ZFAND3: variants seen among roughly 807,000 people sequenced by gnomAD.
ZFAND3 encodes the protein zinc finger AN1-type containing 3, also known as AN1-type zinc finger protein 3.
Under a neutral mutation model 29.6 loss-of-function variants are expected in ZFAND3, and 10 were observed. The ratio of observed to expected loss-of-function variants is 0.34; its 90% CI spans 0.21 to 0.57. The LOEUF (loss-of-function observed/expected upper bound fraction) is 0.57, where lower values mean the gene tolerates loss of function less well. Among genes scored for constraint, ZFAND3 ranks in the 20% least tolerant of loss-of-function variants. ZFAND3 has a pLI of 0.86. For missense variants in ZFAND3, 230 were observed against 304.5 expected, an observed-to-expected ratio of 0.76 and a Z score of 1.82; for synonymous variants, 128 against 112.6, an observed-to-expected ratio of 1.14 and a Z score of -0.87.
At chr6:38,024,024 C>T (rs11753054) in intron 2 of ZFAND3, among the ~76,000 whole-genome samples, 13,397 of 151,368 alleles carry the variant, frequency 0.089, 770 homozygotes, top group East Asian at 0.29. Context: ...AGTGAGATAC[C>T]GTCTCTTTAA....
chr6:38,045,449 T>C (rs1329506126), intron 2 of ZFAND3, among the ~76,000 whole-genome samples: 2 of 152,260 alleles, frequency 1.3e-5, no homozygotes, highest in African/African-American at 4.8e-5. Flanking sequence ...TTCTTTGCCT[T>C]GAAAGATAAA....
At chr6:37,889,355 C>G (rs1209887340) in intron 1 of ZFAND3, among the ~76,000 whole-genome samples, 1 of 152,200 alleles carries the variant, frequency 6.6e-6, no homozygotes, top group Non-Finnish European at 1.5e-5. Context: ...CACATAGCCA[C>G]ATCATCAATT....
chr6:37,937,633 G>A (rs1202590605), intron 2 of ZFAND3, among the ~76,000 whole-genome samples: 7 of 111,754 alleles, frequency 6.3e-5, no homozygotes, highest in Admixed American at 5.6e-4. Context: ...CCAGCCTAGC[G>A]ACAGAGCGAG....
chr6:38,111,396 G>T (rs1220703387), intron 4 of ZFAND3, among the ~76,000 whole-genome samples: 1 of 152,070 alleles, frequency 6.6e-6, no homozygotes, highest in Non-Finnish European at 1.5e-5. Context: ...ATTGTATTAG[G>T]GATTATAAGT....
chr6:38,093,760 A>G (rs1253027548), intron 4 of ZFAND3, among the ~76,000 whole-genome samples: 1 of 152,218 alleles, frequency 6.6e-6, no homozygotes, highest in Admixed American at 6.5e-5. Context: ...CTTGATAACA[A>G]GGAAATAAAG....
intron 1 of ZFAND3, among the ~76,000 whole-genome samples, chr6:37,901,569 C>T (rs1391704287): frequency 6.6e-6 from 1 of 152,000 alleles, no homozygotes; most frequent in East Asian, 1.9e-4. Flanking sequence ...AGTGAGCCGA[C>T]ATTGTGCCAC....
At chr6:37,885,311 G>C (rs896724788) in intron 1 of ZFAND3, among the ~76,000 whole-genome samples, 1 of 152,122 alleles carries the variant, frequency 6.6e-6, no homozygotes, top group Non-Finnish European at 1.5e-5. Context: ...GTGTGACCTT[G>C]GTTTCCTCAT....
chr6:38,017,636 A>G (rs569438177), intron 2 of ZFAND3, among the ~76,000 whole-genome samples: 5 of 152,244 alleles, frequency 3.3e-5, no homozygotes, highest in African/African-American at 1.2e-4. Flanking sequence ...GATACTTGAA[A>G]AGTTGGGATA....
At chr6:38,116,879 TG>T (rs1395036986) in intron 5 of ZFAND3, 140 bp downstream of exon 5, 15 of 1,134,354 alleles carry the variant, frequency 1.3e-5, no homozygotes, top group Non-Finnish European at 1.7e-5. Flanking sequence ...GATATAGGTT[TG>T]GGGCTTGAGA....
chr6:37,819,749 T>G lies in ZFAND3; in HGVS notation c.-197T>G, dbSNP rs1056088730. On this transcript the variant is annotated 5_prime_UTR_variant, in exon 1 of 6. Coordinates refer to ENST00000287218, the MANE Select transcript of ZFAND3 (RefSeq NM_021943.3). ...CCCCTCCCCGTCTCCGCAGGCCGAG[T>G]GGTGCGGCCCGCCTCCAGCTGACCG... The G allele has an allele frequency of 3.2e-5, 7 of 216,940 alleles. No homozygotes were observed. Among genetic ancestry groups the G allele is most frequent in the Non-Finnish European group, 6.0e-5 (7 of 115,814 alleles). 13.4% of individuals were successfully genotyped at this position (216,940 alleles called of 1,614,324 possible). A position where few individuals can be genotyped will look rare whatever the true frequency, so the allele number is the denominator to read the frequency against.
intron 1 of ZFAND3, among the ~76,000 whole-genome samples, chr6:37,885,685 C>A (rs747719498): frequency 1.1e-4 from 16 of 152,088 alleles, no homozygotes; most frequent in Non-Finnish European, 2.2e-4. Context: ...GAAGACAGTT[C>A]TGAAGAATTT....
intron 2 of ZFAND3, among the ~76,000 whole-genome samples, chr6:38,035,122 G>A (rs192186843): frequency 4.6e-5 from 7 of 151,254 alleles, no homozygotes; most frequent in Admixed American, 2.6e-4. Flanking sequence ...TTGATGCATG[G>A]GATTATGGAA....
intron 4 of ZFAND3, among the ~76,000 whole-genome samples, chr6:38,100,864 G>A (rs1374845444): frequency 3.3e-5 from 5 of 151,996 alleles, no homozygotes; most frequent in Non-Finnish European, 5.9e-5. Flanking sequence ...CCCTCTTTGT[G>A]TCTGTCTGTA....
intron 1 of ZFAND3, among the ~76,000 whole-genome samples, chr6:37,820,648 C>T (rs1763649378): frequency 6.6e-6 from 1 of 152,152 alleles, no homozygotes; most frequent in South Asian, 2.1e-4. Context: ...GTAAAATTTC[C>T]TTGTCAAAAA....
At chr6:37,922,786 T>C (rs1035049841) in intron 1 of ZFAND3, among the ~76,000 whole-genome samples, 1 of 152,140 alleles carries the variant, frequency 6.6e-6, no homozygotes, top group Non-Finnish European at 1.5e-5. Flanking sequence ...GATAAAAAAG[T>C]GTACACCTGT....
chr6:38,093,398 G>A (rs1205781522), intron 4 of ZFAND3, among the ~76,000 whole-genome samples: 1 of 152,148 alleles, frequency 6.6e-6, no homozygotes, highest in Non-Finnish European at 1.5e-5. Context: ...ACTATTTTCA[G>A]TTTCTGATGA....
At chr6:37,899,841 A>G (rs950925841) in intron 1 of ZFAND3, among the ~76,000 whole-genome samples, 1 of 152,210 alleles carries the variant, frequency 6.6e-6, no homozygotes, top group African/African-American at 2.4e-5. Flanking sequence ...AGGGCAACCT[A>G]TGTAACCATG....
chr6:37,882,042 G>A (rs1213914108), intron 1 of ZFAND3, among the ~76,000 whole-genome samples: 1 of 152,122 alleles, frequency 6.6e-6, no homozygotes, highest in East Asian at 1.9e-4. Flanking sequence ...TGTGTCCAAT[G>A]TTGAATTTTC....
chr6:38,024,384 A>G (rs1763406164), intron 2 of ZFAND3, among the ~76,000 whole-genome samples: 1 of 151,438 alleles, frequency 6.6e-6, no homozygotes. Flanking sequence ...AGGCAGGAGA[A>G]TGGCATGAAC....
Sources: allele counts gnomAD v4.1 joint callset (sites outside exome capture counted in the v4.1 genomes callset), GRCh38; gene constraint gnomAD v4.1.1; transcripts MANE v1.5; gene names NCBI Gene and HGNC (gene_info 2026-07-23, HGNC 2026-07-21).